KLRG1: variants seen among roughly 807,000 people sequenced by gnomAD.
KLRG1 encodes killer cell lectin like receptor G1, also known as killer cell lectin-like receptor subfamily G member 1.
Under a neutral mutation model 21.8 loss-of-function variants are expected in KLRG1, and 16 were observed. The observed-to-expected ratio is 0.73, with a 90% CI of 0.50 to 1.11. The LOEUF (loss-of-function observed/expected upper bound fraction) is 1.11. Ranked by LOEUF, KLRG1 falls within the 50% of genes most tolerant of loss-of-function variation. The pLI is 0.00. For missense variants in KLRG1, 173 were observed against 218.3 expected, an observed-to-expected ratio of 0.79 and a Z score of 1.31; for synonymous variants, 69 against 75.9, an observed-to-expected ratio of 0.91 and a Z score of 0.47.
chr12:9,092,251 A>T, the KLRG1 span, among the ~76,000 whole-genome samples: 1 of 152,118 alleles, frequency 6.6e-6, no homozygotes, highest in Non-Finnish European at 1.5e-5. Context: ...TTGTCTATGC[A>T]TCAAGCACCC....
chr12:8,981,692 A>G (rs965189924), intron 1 of KLRG1, among the ~76,000 whole-genome samples: 1 of 152,142 alleles, frequency 6.6e-6, no homozygotes, highest in Non-Finnish European at 1.5e-5. Flanking sequence ...TACACCTAAA[A>G]ACGTGTATTC....
chr12:8,956,828 G>T (rs1041730658), intron 1 of KLRG1, among the ~76,000 whole-genome samples: 2 of 152,206 alleles, frequency 1.3e-5, no homozygotes, highest in Non-Finnish European at 1.5e-5. Flanking sequence ...AGTGCCCAAG[G>T]CAGAAGCTGC....
chr12:9,072,407 C>T, the KLRG1 span: 1 of 1,613,862 alleles, frequency 6.2e-7, no homozygotes, highest in Admixed American at 1.7e-5. Context: ...GGGTTCATCA[C>T]AAGTTTGAGG....
At chr12:9,017,661 C>T in the KLRG1 span, among the ~76,000 whole-genome samples, 9,864 of 152,160 alleles carry the variant, frequency 0.065, 467 homozygotes, top group African/African-American at 0.13. Context: ...TAGTATTATA[C>T]GTAATGGGGA....
the KLRG1 span, among the ~76,000 whole-genome samples, chr12:9,137,046 A>G: frequency 6.6e-6 from 1 of 152,080 alleles, no homozygotes; most frequent in Admixed American, 6.5e-5. Flanking sequence ...AGTTCAACTT[A>G]TTTGTTTTTG....
At chr12:9,103,208 G>T in the KLRG1 span, among the ~76,000 whole-genome samples, 2 of 152,072 alleles carry the variant, frequency 1.3e-5, no homozygotes, top group African/African-American at 2.4e-5. Flanking sequence ...CAGTTAAAGG[G>T]GGCTTACTAA....
Position 8,989,608 on chromosome 12 carries a change from A to G in KLRG1, c.-28A>G. On this transcript the variant is annotated 5_prime_UTR_variant, in exon 1 of 5. Coordinates refer to ENST00000356986, the MANE Select transcript of KLRG1 (RefSeq NM_005810.4). Reference sequence around the variant, plus strand: ...CACACTTCTATAATTTAACTCTCTCAACTGCATGTGAAAGATCTTAGCTGA... The same window carrying G: ...CACACTTCTATAATTTAACTCTCTCGACTGCATGTGAAAGATCTTAGCTGA... 1 of 1,458,988 alleles carries G rather than the reference A, an allele frequency of 6.9e-7. No individual in the cohort carries two copies. Among genetic ancestry groups the G allele is most frequent in the East Asian group, 2.3e-5 (1 of 43,770 alleles). The allele number at this position is 1,458,988 out of a possible 1,614,324, so 90.4% of individuals were successfully genotyped here. A position where few individuals can be genotyped will look rare whatever the true frequency, so the allele number is the denominator to read the frequency against.
At chr12:9,145,489 T>C in the KLRG1 span, among the ~76,000 whole-genome samples, 1 of 152,206 alleles carries the variant, frequency 6.6e-6, no homozygotes, top group Non-Finnish European at 1.5e-5. Context: ...TTGTGAAAAT[T>C]GATATCTATT....
intron 2 of KLRG1, among the ~76,000 whole-genome samples, chr12:8,994,214 C>T (rs1240777021): frequency 1.3e-5 from 2 of 152,098 alleles, no homozygotes; most frequent in Non-Finnish European, 2.9e-5. Flanking sequence ...CAGGCGGGTG[C>T]CACCATGCCC....
chr12:8,985,341 A>G (rs1274531885), upstream of KLRG1, among the ~76,000 whole-genome samples: 1 of 152,142 alleles, frequency 6.6e-6, no homozygotes, highest in East Asian at 1.9e-4. Context: ...CAGCACTACC[A>G]CAATTATCAA....
the KLRG1 span, chr12:9,113,437 C>A: frequency 6.2e-7 from 1 of 1,613,858 alleles, no homozygotes; most frequent in Non-Finnish European, 8.5e-7. Flanking sequence ...CTGACAGACT[C>A]CAAGGAAGCA....
the KLRG1 span, among the ~76,000 whole-genome samples, chr12:9,187,312 C>A: frequency 1.9e-3 from 283 of 152,184 alleles, no homozygotes; most frequent in African/African-American, 5.6e-3. Context: ...GATCTGAACT[C>A]AGCACAGGAC....
the KLRG1 span, chr12:9,099,292 G>T: frequency 8.0e-7 from 1 of 1,254,622 alleles, no homozygotes; most frequent in Non-Finnish European, 1.1e-6. Flanking sequence ...TAACCCTTTT[G>T]GCCCTAATGT....
chr12:9,068,903 T>A, the KLRG1 span: 2 of 1,248,630 alleles, frequency 1.6e-6, no homozygotes, highest in South Asian at 1.5e-5. Context: ...TTTGAATTAG[T>A]TTAAGTATTC....
the KLRG1 span, among the ~76,000 whole-genome samples, chr12:9,034,593 T>C: frequency 1.3e-5 from 2 of 152,192 alleles, no homozygotes; most frequent in East Asian, 1.9e-4. Context: ...TTTACAGGCA[T>C]GCGCCACCAT....
the KLRG1 span, among the ~76,000 whole-genome samples, chr12:9,035,262 C>T: frequency 1.4e-4 from 21 of 152,168 alleles, no homozygotes; most frequent in Middle Eastern, 3.4e-3. Context: ...GAATACTATA[C>T]AGCCATAAAA....
chr12:8,993,716 T>C lies in KLRG1; in HGVS notation c.188-1403T>C, dbSNP rs142649887. Among the ~76,000 whole-genome samples the C allele has an allele frequency of 7.1e-3, 1,083 of 152,308 alleles. 12 individuals carry two copies. Among genetic ancestry groups the C allele is most frequent in the African/African-American group, 0.025 (1,042 of 41,550 alleles). On this transcript the variant is annotated intron_variant, in intron 2 of 4. Transcript: ENST00000356986. ...CAGGCTGAGTAATGTCACAGTTGTA[T>C]GGAAAAAGCAAAATCTATAAGGTGC...
At chr12:9,116,026 A>G in the KLRG1 span, 9 of 661,366 alleles carry the variant, frequency 1.4e-5, no homozygotes, top group South Asian at 1.2e-4. Flanking sequence ...CATTCTCTGG[A>G]AAGGTCATTG....
intron 3 of KLRG1, among the ~76,000 whole-genome samples, chr12:9,004,215 A>AGT (rs1186089169): frequency 6.6e-6 from 1 of 152,208 alleles, no homozygotes; most frequent in Non-Finnish European, 1.5e-5. Context: ...TTGGGAATAT[A>AGT]CCCAGTAATG....
Sources: gnomAD v4.1 joint callset for allele counts (sites outside exome capture counted in the v4.1 genomes callset) on GRCh38, gnomAD v4.1.1 for gene constraint, MANE v1.5 for transcripts, NCBI Gene and HGNC (gene_info 2026-07-23, HGNC 2026-07-21) for gene names.